ST3GAL1: variants seen among roughly 807,000 people sequenced by gnomAD.
The protein encoded by ST3GAL1 is ST3 beta-galactoside alpha-2,3-sialyltransferase 1, also known as CMP-N-acetylneuraminate-beta-galactosamide-alpha-2,3-sialyltransferase 1.
ST3GAL1 carries 16 observed loss-of-function variants against 34.1 expected under a neutral mutation model. That is an observed-to-expected ratio of 0.47 (90% CI 0.32 to 0.71). ST3GAL1 has a LOEUF of 0.71. ST3GAL1 is among the 30% of genes least tolerant of loss of function. The pLI is 0.04. For synonymous variants in ST3GAL1, 191 were observed against 184.7 expected, an observed-to-expected ratio of 1.03 and a Z score of -0.28; for missense variants, 353 against 447.4, an observed-to-expected ratio of 0.79 and a Z score of 1.90.
chr8:133,474,889 T>G (rs551771001), intron 5 of ST3GAL1, among the ~76,000 whole-genome samples: 19 of 152,330 alleles, frequency 1.2e-4, no homozygotes, highest in Admixed American at 1.2e-3. Context: ...TGTTTATTTC[T>G]TATCTTCCCC....
Position 133,525,874 on chromosome 8 carries a change from AG to A in ST3GAL1, c.-429+19899del, listed in dbSNP as rs58705195. ...GCAGGCAATTACAAGCCTGCATGAC[AG>A]GGGGGCTTCCTGGGTCCCCAAGAGC... On this transcript the variant is annotated intron_variant, in intron 2 of 9. Coordinates refer to ENST00000522652, the MANE Select transcript of ST3GAL1 (RefSeq NM_173344.3). Among the ~76,000 whole-genome samples the A allele has an allele frequency of 7.2e-3, 1,063 of 147,342 alleles. 6 individuals carry two copies. The highest frequency in any genetic ancestry group is 0.013 in the Non-Finnish European group (853 of 67,864).
rs778161984 is a variant in ST3GAL1, at chr8:133,466,012, C to A, written c.385G>T (p.Asp129Tyr). Reference sequence around the variant, plus strand: ...ACCGACCTCTTCTCCAGCATAGGGTCCACATTCCCAGGCACCACTCTGAAC... The same window carrying A: ...ACCGACCTCTTCTCCAGCATAGGGTACACATTCCCAGGCACCACTCTGAAC... ...ELFRVVPGNV[D>Y]PMLEKRSVGC... Residue 129 changes from aspartate to tyrosine, a missense_variant, in exon 6 of 10, where the codon GAC becomes TAC. By Grantham distance (160) the Asp-to-Tyr change is radical. Coordinates refer to ENST00000522652, the MANE Select transcript of ST3GAL1 (RefSeq NM_173344.3). The surrounding 1 kb of genome is among the most constrained non-coding windows in gnomAD (Gnocchi z 4.4). 1.2e-6 allele frequency: 2 copies of A among 1,614,242 alleles called. No individual in the cohort carries two copies. The highest frequency in any genetic ancestry group is 3.3e-5 in the Admixed American group (2 of 60,032).
At chr8:133,486,799 G>A (rs1816621863) in intron 3 of ST3GAL1, among the ~76,000 whole-genome samples, 1 of 152,218 alleles carries the variant, frequency 6.6e-6, no homozygotes, top group Non-Finnish European at 1.5e-5. Context: ...AGCAGCCACG[G>A]AGCACAGCGT....
chr8:133,570,812 G>A lies in ST3GAL1; in HGVS notation c.-582+881C>T, dbSNP rs1402222772. Among the ~76,000 whole-genome samples, 1 of 152,168 alleles carries A rather than the reference G, an allele frequency of 6.6e-6. No individual in the cohort carries two copies. Among genetic ancestry groups the A allele is most frequent in the Non-Finnish European group, 1.5e-5 (1 of 68,026 alleles). ...CCCAGGGTCACCGCTGTCCGTCCCC[G>A]TGCGCTCCCAGAAGGGGTGGCCCTG... On this transcript the variant is annotated intron_variant, in intron 1 of 9. Transcript: ENST00000522652. The surrounding 1 kb of genome is among the most constrained non-coding windows in gnomAD (Gnocchi z 5.6).
intron 1 of ST3GAL1, among the ~76,000 whole-genome samples, chr8:133,553,220 A>G (rs1028726780): frequency 1.3e-5 from 2 of 152,174 alleles, no homozygotes; most frequent in African/African-American, 4.8e-5. Flanking sequence ...GGCCATGAGC[A>G]GATTCATTGT....
chr8:133,529,878 C>T (rs891568288), intron 2 of ST3GAL1, among the ~76,000 whole-genome samples: 10 of 152,348 alleles, frequency 6.6e-5, no homozygotes, highest in Non-Finnish European at 1.5e-4. Context: ...TCTTTCTCTT[C>T]TCAGTGTTGC....
chr8:133,524,250 T>C (rs1399590323), intron 2 of ST3GAL1, among the ~76,000 whole-genome samples: 5 of 152,154 alleles, frequency 3.3e-5, no homozygotes, highest in African/African-American at 1.2e-4. Context: ...ATTTTTCAGA[T>C]GAAAATGTGA....
chr8:133,556,004 G>A lies in ST3GAL1; in HGVS notation c.-581-10078C>T, dbSNP rs1313161899. Among the ~76,000 whole-genome samples the A allele has an allele frequency of 1.3e-5, 2 of 151,924 alleles. No homozygotes were observed. Among genetic ancestry groups the A allele is most frequent in the Non-Finnish European group, 2.9e-5 (2 of 67,964 alleles). On this transcript the variant is annotated intron_variant, in intron 1 of 9. Transcript: ENST00000522652. The surrounding 1 kb of genome is among the most constrained non-coding windows in gnomAD (Gnocchi z 8.9). ...CGCCTCCCAAGTTCAAGCAATTCTC[G>A]TGCCTCAGCCTCCCGCGTAGCTGGG...
At chr8:133,518,290 A>G (rs1008596597) in intron 2 of ST3GAL1, among the ~76,000 whole-genome samples, 1 of 152,340 alleles carries the variant, frequency 6.6e-6, no homozygotes, top group Admixed American at 6.5e-5. Flanking sequence ...CCAATCCCCC[A>G]GTCAGAACAA....
intron 2 of ST3GAL1, among the ~76,000 whole-genome samples, chr8:133,504,728 T>C (rs1330087998): frequency 6.6e-6 from 1 of 151,966 alleles, no homozygotes; most frequent in African/African-American, 2.4e-5. Flanking sequence ...TCAGCATAGG[T>C]TGGGCTGGGC....
chr8:133,498,275 G>C (rs755360327), intron 3 of ST3GAL1, among the ~76,000 whole-genome samples: 2 of 152,238 alleles, frequency 1.3e-5, no homozygotes, highest in Non-Finnish European at 2.9e-5. Flanking sequence ...GTGGACTGCA[G>C]GGACAGTGAG....
intron 3 of ST3GAL1, among the ~76,000 whole-genome samples, chr8:133,478,717 C>T (rs957693667): frequency 2.0e-5 from 3 of 152,170 alleles, no homozygotes; most frequent in Non-Finnish European, 4.4e-5. Context: ...TGGAGGAAGC[C>T]CTGCCCTCTC....
At chr8:133,471,960 TG>T (rs1375030367) in intron 5 of ST3GAL1, among the ~76,000 whole-genome samples, 6 of 151,686 alleles carry the variant, frequency 4.0e-5, no homozygotes, top group Admixed American at 3.3e-4. Context: ...TTTCCCAAGT[TG>T]GGGGCAAGTA....
chr8:133,520,362 A>G (rs182814358), intron 2 of ST3GAL1, among the ~76,000 whole-genome samples: 1 of 152,324 alleles, frequency 6.6e-6, no homozygotes, highest in Non-Finnish European at 1.5e-5. Flanking sequence ...CTCTTCTGGC[A>G]CCACAGAAGT....
chr8:133,496,111 C>T (rs142414819), intron 3 of ST3GAL1, among the ~76,000 whole-genome samples: 6 of 152,142 alleles, frequency 3.9e-5, no homozygotes, highest in South Asian at 4.2e-4. Flanking sequence ...GGCTGGGCTC[C>T]GAGTCACACA....
At position 133,467,963 on chromosome 8, in the gene ST3GAL1, G is replaced by A. The variant is rs1815804882; in HGVS notation, c.307-1873C>T. 6.6e-6 allele frequency among the ~76,000 whole-genome samples: 1 copy of A among 152,148 alleles called. No individual in the cohort carries two copies. The highest frequency in any genetic ancestry group is 1.5e-5 in the Non-Finnish European group (1 of 68,032). On this transcript the variant is annotated intron_variant, in intron 5 of 9. Coordinates refer to ENST00000522652, the MANE Select transcript of ST3GAL1 (RefSeq NM_173344.3). The surrounding 1 kb of genome is among the most constrained non-coding windows in gnomAD (Gnocchi z 4.2). ...CTGCTACAGTTATCATAAGTAAAAG[G>A]GCAAAACAACAGGTATCGGTGAGGA...
intron 2 of ST3GAL1, among the ~76,000 whole-genome samples, chr8:133,530,372 C>T (rs1480244661): frequency 6.6e-6 from 1 of 151,682 alleles, no homozygotes; most frequent in Non-Finnish European, 1.5e-5. Context: ...ACCTCTGTCT[C>T]CCAAGTACAA....
chr8:133,566,975 A>G (rs1819420817), intron 1 of ST3GAL1: 1 of 152,256 alleles, frequency 6.6e-6, no homozygotes, highest in South Asian at 2.1e-4. Context: ...AACCATGTGG[A>G]ACAGGCTTAC....
intron 2 of ST3GAL1, among the ~76,000 whole-genome samples, chr8:133,528,155 C>T (rs1243036301): frequency 2.0e-5 from 3 of 151,864 alleles, no homozygotes; most frequent in Non-Finnish European, 4.4e-5. Context: ...AGCCTGGTGA[C>T]AGAGCGAGAC....
Sources: gnomAD v4.1 joint callset for allele counts (sites outside exome capture counted in the v4.1 genomes callset) on GRCh38, gnomAD v4.1.1 for gene constraint, Gnocchi (gnomAD v3.1) non-coding constraint, MANE v1.5 for transcripts, NCBI Gene and HGNC (gene_info 2026-07-23, HGNC 2026-07-21) for gene names.